The following HIVEP3 variants were observed in gnomAD, a reference collection of about 807,000 sequenced individuals.
HIVEP3 encodes the protein transcription factor HIVEP3.
In HIVEP3, 49 loss-of-function variants were observed where a neutral mutation model predicts 152.8. The observed-to-expected ratio is 0.32, with a 90% CI of 0.26 to 0.41. The LOEUF (loss-of-function observed/expected upper bound fraction) is 0.41. Ranked by LOEUF, HIVEP3 falls within the 10% of genes least tolerant of loss-of-function variation. The pLI is 1.00. For synonymous variants in HIVEP3, 1,269 were observed against 1,289.0 expected (o/e 0.98, Z 0.33); for missense variants, 2,790 against 3,103.3 (o/e 0.90, Z 2.40).
chr1:41,953,218 T>C (rs1358380938), intron 1 of HIVEP3, among the ~76,000 whole-genome samples: 1 of 152,198 alleles, frequency 6.6e-6, no homozygotes. Context: ...ATCCCACTTG[T>C]GTGACACTTG....
chr1:41,551,209 C>G (rs547557295), intron 5 of HIVEP3, among the ~76,000 whole-genome samples: 1 of 152,308 alleles, frequency 6.6e-6, no homozygotes, highest in East Asian at 1.9e-4. Flanking sequence ...ACCATCCTTG[C>G]GTCCCAGGGA....
intron 3 of HIVEP3, among the ~76,000 whole-genome samples, chr1:41,603,336 G>A (rs141600888): frequency 6.6e-6 from 1 of 151,812 alleles, no homozygotes; most frequent in East Asian, 1.9e-4. Flanking sequence ...CCAAAGCGCT[G>A]GGATTACAGT....
At position 41,529,194 on chromosome 1, in the gene HIVEP3, GCTTACACCCATACA is replaced by G. The variant is rs1168746285; in HGVS notation, c.5208-4298_5208-4285del. Among the ~76,000 whole-genome samples the G allele has an allele frequency of 3.2e-3, 167 of 51,832 alleles. 1 individual carries two copies. Among genetic ancestry groups the G allele is most frequent in the Non-Finnish European group, 4.8e-3 (133 of 27,550 alleles). 34.0% of individuals were successfully genotyped at this position (51,832 alleles called of 152,430 possible). ...TCACACCCCACCCTCACACTCACAT[GCTTACACCCATACA>G]CTCACACCCTCACCCTCACACATGC... On this transcript the variant is annotated intron_variant, in intron 5 of 8. Coordinates refer to ENST00000372583, the MANE Select transcript of HIVEP3 (RefSeq NM_024503.5).
rs574765465 is a variant in HIVEP3, at chr1:41,583,703, G to A, written c.1095C>T (p.Ala365=). 9.1e-5 allele frequency: 147 copies of A among 1,612,454 alleles called. No individual in the cohort carries two copies. Among genetic ancestry groups the A allele is most frequent in the Non-Finnish European group, 1.1e-4 (135 of 1,179,156 alleles). ...CCTTCTTCCTCTCGCTTAAGCGGAG[G>A]GCCAGCTTCTGCTTAATCGTGTGGG... ...EDTHTIKQKL[A]LRLSERKKVI... Residue 365 remains alanine, a synonymous_variant, in exon 4 of 9, where the codon GCC becomes GCT. Coordinates refer to ENST00000372583, the MANE Select transcript of HIVEP3 (RefSeq NM_024503.5). This position sits in a 1 kb window ranked among gnomAD's most constrained non-coding sequence, Gnocchi z 6.9.
chr1:41,648,137 T>C (rs1433905343), intron 2 of HIVEP3, among the ~76,000 whole-genome samples: 2 of 152,210 alleles, frequency 1.3e-5, no homozygotes, highest in Non-Finnish European at 2.9e-5. Flanking sequence ...CTGAAATATA[T>C]AGACCAACGA....
intron 1 of HIVEP3, among the ~76,000 whole-genome samples, chr1:42,011,937 G>A (rs1645494703): frequency 6.6e-6 from 1 of 152,150 alleles, no homozygotes; most frequent in South Asian, 2.1e-4. Flanking sequence ...TGGACACAAG[G>A]AACTTCTCTA....
chr1:41,727,161 G>A (rs1309257605), intron 1 of HIVEP3, among the ~76,000 whole-genome samples: 1 of 152,220 alleles, frequency 6.6e-6, no homozygotes, highest in Non-Finnish European at 1.5e-5. Flanking sequence ...CTATGTGCTA[G>A]TTACTGGAGC....
rs762029587 is a variant in HIVEP3 at position 41,518,445 on chromosome 1, C to T, written c.5427G>A (p.Lys1809=). Residue 1809 remains lysine (K), a synonymous_variant, in exon 7 of 9, where the codon AAG becomes AAA. Transcript: ENST00000372583. ...CCTCCAGCACCCCTGTCTCTTGGCACTTTTTGCTGTGGGCCTTCGACTTCA... is the reference window on the plus strand; with the variant it reads ...CCTCCAGCACCCCTGTCTCTTGGCATTTTTTGCTGTGGGCCTTCGACTTCA... ...KHMKSKAHSK[K]CQETGVLEEL... is the part of the protein sequence containing the mutation. 1.9e-6 allele frequency: 3 copies of T among 1,614,102 alleles called. No homozygotes were observed. Among genetic ancestry groups the T allele is most frequent in the African/African-American group, 2.7e-5 (2 of 74,952 alleles).
chr1:41,629,531 G>A (rs533672351), intron 2 of HIVEP3, among the ~76,000 whole-genome samples: 4 of 152,232 alleles, frequency 2.6e-5, no homozygotes, highest in African/African-American at 7.2e-5. Flanking sequence ...TGCATCCAAC[G>A]AAGATCTAAT....
intron 1 of HIVEP3, among the ~76,000 whole-genome samples, chr1:41,994,461 T>C (rs1645383374): frequency 6.6e-6 from 1 of 152,160 alleles, no homozygotes; most frequent in Non-Finnish European, 1.5e-5. Flanking sequence ...GGTAGGTAAT[T>C]GGATCATGGG....
intron 1 of HIVEP3, among the ~76,000 whole-genome samples, chr1:41,910,632 G>T (rs1644781555): frequency 6.6e-6 from 1 of 151,854 alleles, no homozygotes; most frequent in African/African-American, 2.4e-5. Flanking sequence ...ACCTAGCAAT[G>T]TATAAGAAAT....
chr1:41,627,005 G>A (rs528174723), intron 3 of HIVEP3, among the ~76,000 whole-genome samples: 14 of 152,316 alleles, frequency 9.2e-5, no homozygotes, highest in African/African-American at 3.4e-4. Flanking sequence ...GACTCACTGA[G>A]GTTTGGGAAG....
chr1:41,515,004 T>C (rs2759259), intron 7 of HIVEP3, among the ~76,000 whole-genome samples: 151,507 of 152,332 alleles, frequency 0.99, 75,351 homozygotes, highest in East Asian at 1. Flanking sequence ...GCAATCCGGA[T>C]GCTGGGGAGA....
chr1:41,737,002 C>T (rs1473809069), intron 1 of HIVEP3, among the ~76,000 whole-genome samples: 1 of 152,172 alleles, frequency 6.6e-6, no homozygotes, highest in African/African-American at 2.4e-5. Flanking sequence ...CCTACTACTC[C>T]TGCCCCACCT....
In HIVEP3 at chr1:41,889,033, TACACAC is replaced by T. The variant is rs565333823; in HGVS notation, c.-801+29374_-801+29379del. Among the ~76,000 whole-genome samples, 3 of 121,118 alleles carry T rather than the reference TACACAC, an allele frequency of 2.5e-5. No homozygotes were observed. In the East Asian group the frequency reaches 7.5e-4, roughly 30 times the overall value. 79.5% of individuals were successfully genotyped at this position (121,118 alleles called of 152,430 possible). ...TACACACACCACATACCTCACACGCTACACACACACACACACACCACACAACACATA... is the reference window on the plus strand; with the variant it reads ...TACACACACCACATACCTCACACGCTACACACACACACCACACAACACATA... On this transcript the variant is annotated intron_variant, in intron 1 of 8. Coordinates refer to ENST00000372583, the MANE Select transcript of HIVEP3 (RefSeq NM_024503.5).
At chr1:41,995,248 A>G (rs1003267697) in intron 1 of HIVEP3, among the ~76,000 whole-genome samples, 2 of 152,210 alleles carry the variant, frequency 1.3e-5, no homozygotes, top group African/African-American at 4.8e-5. Flanking sequence ...TTATGACAAA[A>G]GTAACAGAAG....
At chr1:41,572,465 T>A (rs568042140) in intron 5 of HIVEP3, among the ~76,000 whole-genome samples, 250 of 152,276 alleles carry the variant, frequency 1.6e-3, no homozygotes, top group African/African-American at 5.8e-3. Context: ...GGAAGCCCTC[T>A]CTAGCTATTC....
chr1:41,768,360 C>G (rs902392065), intron 1 of HIVEP3, among the ~76,000 whole-genome samples: 5 of 152,216 alleles, frequency 3.3e-5, no homozygotes, highest in African/African-American at 1.2e-4. Flanking sequence ...GGAGAAAGAC[C>G]TGACCCCGTG....
chr1:41,600,276 T>C (rs531638266), intron 3 of HIVEP3, among the ~76,000 whole-genome samples: 1 of 152,212 alleles, frequency 6.6e-6, no homozygotes. Context: ...TCTATGTTCA[T>C]AGCGGCATGA....
Sources: gnomAD v4.1 joint callset for allele counts (sites outside exome capture counted in the v4.1 genomes callset) on GRCh38, gnomAD v4.1.1 for gene constraint, Gnocchi (gnomAD v3.1) non-coding constraint, MANE v1.5 for transcripts, NCBI Gene and HGNC (gene_info 2026-07-23, HGNC 2026-07-21) for gene names.